SLC9A9: variants seen among roughly 807,000 people sequenced by gnomAD.
SLC9A9 encodes solute carrier family 9 member A9.
In SLC9A9, 62 loss-of-function variants were observed where a neutral mutation model predicts 77.8. The ratio of observed to expected loss-of-function variants is 0.80; its 90% CI spans 0.65 to 0.98. SLC9A9 has a LOEUF of 0.98. Ranked by LOEUF, SLC9A9 falls within the 50% of genes least tolerant of loss-of-function variation. The probability of loss-of-function intolerance (pLI) is 0.00; values close to 1 mark genes in which losing one functional copy is unlikely to be tolerated. For missense variants in SLC9A9, 775 were observed against 774.9 expected (o/e 1.00, Z 0.00); for synonymous variants, 320 against 283.5 (o/e 1.13, Z -1.29).
At chr3:143,589,434 C>T (rs189966719) in intron 6 of SLC9A9, among the ~76,000 whole-genome samples, 14 of 152,206 alleles carry the variant, frequency 9.2e-5, no homozygotes, top group Admixed American at 3.3e-4. Flanking sequence ...GATTACAATA[C>T]GGTATTTTTT....
At chr3:143,394,044 C>T (rs2108507285) in intron 12 of SLC9A9, among the ~76,000 whole-genome samples, 1 of 152,264 alleles carries the variant, frequency 6.6e-6, no homozygotes, top group South Asian at 2.1e-4. Context: ...TGGTACCATT[C>T]CTTCTGAAAC....
chr3:143,350,549 T>C (rs2032421889), intron 14 of SLC9A9, among the ~76,000 whole-genome samples: 1 of 152,134 alleles, frequency 6.6e-6, no homozygotes, highest in Non-Finnish European at 1.5e-5. Context: ...CACACAATAA[T>C]TTTCCACATT....
At chr3:143,477,540 A>G (rs1296133675) in intron 11 of SLC9A9, among the ~76,000 whole-genome samples, 1 of 151,944 alleles carries the variant, frequency 6.6e-6, no homozygotes, top group Non-Finnish European at 1.5e-5. Flanking sequence ...CGTAAGATGG[A>G]AGCAGCCTTG....
chr3:143,804,271 A>G (rs1321274203), intron 2 of SLC9A9, among the ~76,000 whole-genome samples: 1 of 152,106 alleles, frequency 6.6e-6, no homozygotes, highest in Non-Finnish European at 1.5e-5. Context: ...CTTACCCTGT[A>G]TTTCACTCCA....
intron 1 of SLC9A9, among the ~76,000 whole-genome samples, chr3:143,844,799 C>A (rs1383424278): frequency 6.7e-6 from 1 of 148,800 alleles, no homozygotes; most frequent in Non-Finnish European, 1.5e-5. Context: ...CTGACACAGT[C>A]TCACTCTGTC....
At chr3:143,737,912 A>G (rs1271846282) in intron 4 of SLC9A9, among the ~76,000 whole-genome samples, 1 of 152,230 alleles carries the variant, frequency 6.6e-6, no homozygotes, top group Non-Finnish European at 1.5e-5. Flanking sequence ...ACGTGTTCAC[A>G]TGCTCTGTTA....
chr3:143,679,406 T>C (rs540672401), intron 5 of SLC9A9, among the ~76,000 whole-genome samples: 110 of 152,336 alleles, frequency 7.2e-4, no homozygotes, highest in African/African-American at 2.5e-3. Context: ...CCTTAGGGCC[T>C]AAACCCCAAC....
At chr3:143,595,359 A>T (rs2037736457) in intron 6 of SLC9A9, among the ~76,000 whole-genome samples, 1 of 152,218 alleles carries the variant, frequency 6.6e-6, no homozygotes, top group South Asian at 2.1e-4. Context: ...TTCTACCAAC[A>T]ATCCTTATCA....
At chr3:143,731,005 G>A (rs147353009) in intron 4 of SLC9A9, among the ~76,000 whole-genome samples, 21 of 152,274 alleles carry the variant, frequency 1.4e-4, no homozygotes, top group African/African-American at 4.6e-4. Context: ...CAAGATGGCT[G>A]CAGCATCTTG....
chr3:143,603,406 G>A (rs1408756681), intron 6 of SLC9A9, among the ~76,000 whole-genome samples: 4 of 151,992 alleles, frequency 2.6e-5, no homozygotes, highest in Non-Finnish European at 5.9e-5. Context: ...AGAATTGGCT[G>A]GAAGTGACAG....
chr3:143,606,942 A>C (rs1407362561), intron 6 of SLC9A9, among the ~76,000 whole-genome samples: 2 of 152,032 alleles, frequency 1.3e-5, no homozygotes, highest in East Asian at 3.9e-4. Flanking sequence ...GAGTGGAATA[A>C]GTAAAATAAA....
intron 6 of SLC9A9, among the ~76,000 whole-genome samples, chr3:143,608,733 C>T (rs1045163408): frequency 2.2e-4 from 34 of 151,838 alleles, no homozygotes; most frequent in Admixed American, 9.2e-4. Flanking sequence ...ACAGACATAA[C>T]GCATATGAAA....
chr3:143,377,463 C>A (rs1191907882), intron 13 of SLC9A9, among the ~76,000 whole-genome samples: 1 of 152,196 alleles, frequency 6.6e-6, no homozygotes, highest in Non-Finnish European at 1.5e-5. Context: ...TGAAGTTGCC[C>A]TTCTTCAGAC....
At chr3:143,420,713 A>G (rs912033215) in intron 12 of SLC9A9, among the ~76,000 whole-genome samples, 3 of 152,220 alleles carry the variant, frequency 2.0e-5, no homozygotes, top group Non-Finnish European at 2.9e-5. Context: ...ATACATTTAA[A>G]TATCACAGTT....
intron 9 of SLC9A9, among the ~76,000 whole-genome samples, chr3:143,543,379 CTT>C (rs34447555): frequency 3.5e-4 from 51 of 146,974 alleles, no homozygotes; most frequent in Middle Eastern, 6.9e-3. Flanking sequence ...ACTTGTCAAG[CTT>C]TTTTTTTTTT....
At position 143,352,613 on chromosome 3, in the gene SLC9A9, C is replaced by T. The variant is rs552218461; in HGVS notation, c.1604+10871G>A. On this transcript the variant is annotated intron_variant, in intron 14 of 15. Transcript: ENST00000316549. ...TTTAGCTAAAAAACATTCTAGTAGA[C>T]TCTGGCCCTAACAATTACACCACTG... 6.9e-4 allele frequency among the ~76,000 whole-genome samples: 93 copies of T among 134,432 alleles called. 1 individual carries two copies. The South Asian group carries it at 0.02, about 28-fold the overall frequency. The allele number at this position is 134,432 out of a possible 152,430, so 88.2% of individuals were successfully genotyped here. A position where few individuals can be genotyped will look rare whatever the true frequency, so the allele number is the denominator to read the frequency against.
intron 11 of SLC9A9, among the ~76,000 whole-genome samples, chr3:143,474,959 GTTTT>G (rs58029971): frequency 7.9e-6 from 1 of 127,224 alleles, no homozygotes. Flanking sequence ...CTTCACCCAG[GTTTT>G]TTTTTTTTTT....
At chr3:143,743,246 GATA>G (rs1560059088) in intron 4 of SLC9A9, among the ~76,000 whole-genome samples, 6,509 of 73,436 alleles carry the variant, frequency 0.089, 174 homozygotes, top group East Asian at 0.19. Context: ...TGGATGGATA[GATA>G]GATAGATAGA....
At chr3:143,551,502 G>A (rs1297843897) in intron 9 of SLC9A9, among the ~76,000 whole-genome samples, 1 of 152,102 alleles carries the variant, frequency 6.6e-6, no homozygotes, top group Non-Finnish European at 1.5e-5. Flanking sequence ...CTGATCCCTT[G>A]GCCTCAAATG....
Sources: gnomAD v4.1 joint callset for allele counts (sites outside exome capture counted in the v4.1 genomes callset) on GRCh38, gnomAD v4.1.1 for gene constraint, MANE v1.5 for transcripts, NCBI Gene and HGNC (gene_info 2026-07-23, HGNC 2026-07-21) for gene names.